SLIT2: variants seen among roughly 807,000 people sequenced by gnomAD.
SLIT2 encodes slit guidance ligand 2.
A neutral mutation model predicts 185.7 loss-of-function variants in SLIT2; 41 were observed. That is an observed-to-expected ratio of 0.22 (90% CI 0.17 to 0.29). SLIT2 has a LOEUF of 0.29. Ranked by LOEUF, SLIT2 falls within the 10% of genes least tolerant of loss-of-function variation. SLIT2 has a pLI of 1.00. For synonymous variants in SLIT2, 693 were observed against 680.2 expected, an observed-to-expected ratio of 1.02 and a Z score of -0.29; for missense variants, 1,571 against 1,909.0, an observed-to-expected ratio of 0.82 and a Z score of 3.30.
At chr4:20,276,132 A>T (rs1225920455) in intron 4 of SLIT2, among the ~76,000 whole-genome samples, 5 of 152,178 alleles carry the variant, frequency 3.3e-5, no homozygotes, top group Non-Finnish European at 2.9e-5. Flanking sequence ...ACTACTAATT[A>T]TGTCAAAATC....
At chr4:20,377,376 A>G (rs1010721708) in intron 4 of SLIT2, among the ~76,000 whole-genome samples, 2 of 152,166 alleles carry the variant, frequency 1.3e-5, no homozygotes, top group Admixed American at 6.5e-5. Flanking sequence ...GTAGAAGTAT[A>G]TGGACTTGCT....
In SLIT2 at chr4:20,357,170, C is replaced by T. The variant is rs79767265; in HGVS notation, c.395+88289C>T. On this transcript the variant is annotated intron_variant, in intron 4 of 36. Coordinates refer to ENST00000504154, the MANE Select transcript of SLIT2 (RefSeq NM_004787.4). ...TGTGCTATTCCCATCAAGGTTACAT[C>T]ATGTTTCCATTACTCCTTTAATTGG... Among the ~76,000 whole-genome samples the T allele has an allele frequency of 2.2e-3, 333 of 152,204 alleles. 1 individual carries two copies. The highest frequency in any genetic ancestry group is 7.4e-3 in the African/African-American group (307 of 41,538).
intron 4 of SLIT2, among the ~76,000 whole-genome samples, chr4:20,302,468 G>T (rs1484036939): frequency 6.6e-6 from 1 of 151,632 alleles, no homozygotes; most frequent in East Asian, 1.9e-4. Flanking sequence ...TAATGTCTAT[G>T]GGGGGGATGG....
In SLIT2 at chr4:20,466,498, C is replaced by T. The variant is rs1003999356; in HGVS notation, c.396-1254C>T. Among the ~76,000 whole-genome samples the T allele has an allele frequency of 9.2e-5, 14 of 151,450 alleles. No homozygotes were observed. In the South Asian group the frequency reaches 1.0e-3, roughly 11 times the overall value. On this transcript the variant is annotated intron_variant, in intron 4 of 36. Transcript: ENST00000504154. ...AATAGACTAGTATTTATTTTTTTTA[C>T]GAATTGCTTAGCAAAAAAACATTGA...
chr4:20,510,636 AC>A, intron 10 of SLIT2, 70 bp downstream of exon 10: 2 of 943,556 alleles, frequency 2.1e-6, no homozygotes, highest in South Asian at 2.7e-5. Context: ...ATGCAAAGAA[AC>A]TTAAGTATGA....
intron 4 of SLIT2, among the ~76,000 whole-genome samples, chr4:20,290,122 T>C (rs968095407): frequency 2.6e-5 from 4 of 152,190 alleles, no homozygotes; most frequent in Admixed American, 2.0e-4. Context: ...CTTTACTCTG[T>C]TGAGAACCTT....
chr4:20,448,997 C>A (rs569241001), intron 4 of SLIT2, among the ~76,000 whole-genome samples: 7 of 152,272 alleles, frequency 4.6e-5, no homozygotes, highest in Admixed American at 3.3e-4. Context: ...ATATTCCAAT[C>A]ATTTCTAGAG....
chr4:20,326,347 A>T (rs1423460185), intron 4 of SLIT2, among the ~76,000 whole-genome samples: 1 of 152,038 alleles, frequency 6.6e-6, no homozygotes, highest in African/African-American at 2.4e-5. Flanking sequence ...AAGAATGTGT[A>T]ATGACTCAGT....
intron 4 of SLIT2, among the ~76,000 whole-genome samples, chr4:20,278,680 A>G (rs1714417827): frequency 6.6e-6 from 1 of 152,146 alleles, no homozygotes. Context: ...AGAAGTATAA[A>G]AGAGTGAAAG....
At chr4:20,376,610 C>T (rs533717626) in intron 4 of SLIT2, among the ~76,000 whole-genome samples, 5 of 152,050 alleles carry the variant, frequency 3.3e-5, no homozygotes, top group African/African-American at 4.8e-5. Flanking sequence ...CTTTTAGCCC[C>T]TGCAAGAGAC....
intron 4 of SLIT2, among the ~76,000 whole-genome samples, chr4:20,296,203 G>A (rs1716461639): frequency 6.6e-6 from 1 of 152,136 alleles, no homozygotes; most frequent in African/African-American, 2.4e-5. Context: ...TTAACTTACT[G>A]CTTATTTTAT....
At position 20,584,673 on chromosome 4, in the gene SLIT2, C is replaced by T. The variant is rs529537318; in HGVS notation, c.3089-4971C>T. Among the ~76,000 whole-genome samples, 10 of 152,342 alleles carry T rather than the reference C, an allele frequency of 6.6e-5. No homozygotes were observed. The South Asian group carries it at 8.3e-4, about 13-fold the overall frequency. The stretch of plus-strand genomic sequence containing the variant: ...GAGTGGGTATCACTTTTGGCATGCT[C>T]TTTCACAAGTTGTAATAGTGTTACT... On this transcript the variant is annotated intron_variant, in intron 29 of 36. Transcript: ENST00000504154.
chr4:20,413,199 C>T (rs1317649035), intron 4 of SLIT2, among the ~76,000 whole-genome samples: 2 of 151,950 alleles, frequency 1.3e-5, no homozygotes, highest in African/African-American at 4.8e-5. Context: ...TAAAGTATTA[C>T]ATAATTTTCT....
chr4:20,310,650 C>T (rs1199742792), intron 4 of SLIT2, among the ~76,000 whole-genome samples: 1 of 152,164 alleles, frequency 6.6e-6, no homozygotes, highest in African/African-American at 2.4e-5. Context: ...AGTGACTTTG[C>T]CCCAATTGCT....
At chr4:20,257,596 T>C (rs1032920928) in intron 2 of SLIT2, among the ~76,000 whole-genome samples, 2 of 152,050 alleles carry the variant, frequency 1.3e-5, no homozygotes, top group African/African-American at 4.8e-5. Context: ...AGGATTACTC[T>C]TCAGATATAC....
chr4:20,431,043 G>A (rs568840228), intron 4 of SLIT2, among the ~76,000 whole-genome samples: 3 of 152,282 alleles, frequency 2.0e-5, no homozygotes, highest in East Asian at 1.9e-4. Flanking sequence ...TATTTGAACC[G>A]TGTTACGTTG....
chr4:20,430,546 T>C (rs151048389), intron 4 of SLIT2, among the ~76,000 whole-genome samples: 2 of 152,326 alleles, frequency 1.3e-5, no homozygotes, highest in Admixed American at 1.3e-4. Flanking sequence ...CAACTAAATT[T>C]ATAGTTCACC....
At chr4:20,289,984 C>T (rs566942099) in intron 4 of SLIT2, among the ~76,000 whole-genome samples, 17 of 151,964 alleles carry the variant, frequency 1.1e-4, no homozygotes, top group Non-Finnish European at 1.8e-4. Context: ...GCAGTTCCTA[C>T]GATATGCCTC....
intron 2 of SLIT2, 34 bp from the exon 3 acceptor site, chr4:20,257,834 A>G (rs777833536): frequency 9.2e-7 from 1 of 1,082,734 alleles, no homozygotes; most frequent in Non-Finnish European, 1.4e-6. Flanking sequence ...GGTGAGTGGT[A>G]ACATTAAGAA....
Sources: gnomAD v4.1 joint callset for allele counts (sites outside exome capture counted in the v4.1 genomes callset) on GRCh38, gnomAD v4.1.1 for gene constraint, MANE v1.5 for transcripts, NCBI Gene and HGNC (gene_info 2026-07-23, HGNC 2026-07-21) for gene names.